KCNIP4: variants seen among roughly 807,000 people sequenced by gnomAD.
The protein encoded by KCNIP4 is potassium voltage-gated channel interacting protein 4.
In KCNIP4, 12 loss-of-function variants were observed where a neutral mutation model predicts 34.0. The observed-to-expected ratio is 0.35, with a 90% CI of 0.23 to 0.57. KCNIP4 has a LOEUF of 0.57. Ranked by LOEUF, KCNIP4 falls within the 20% of genes least tolerant of loss-of-function variation. KCNIP4 has a pLI of 0.83. For missense variants in KCNIP4, 238 were observed against 311.7 expected (o/e 0.76, Z 1.78); for synonymous variants, 124 against 102.2 (o/e 1.21, Z -1.29).
rs556744177 is a variant in KCNIP4 at position 21,546,493 on chromosome 4, C to T, written c.61+402078G>A. ...GAAACAGAAACTAACTTGCCATGAA[C>T]CGAAAGATTGTATATTCTTTTTCCT... On this transcript the variant is annotated intron_variant, in intron 1 of 8. Coordinates refer to ENST00000382152, the MANE Select transcript of KCNIP4 (RefSeq NM_025221.6). 9.5e-4 allele frequency among the ~76,000 whole-genome samples: 145 copies of T among 152,148 alleles called. 2 individuals carry two copies. The highest frequency in any genetic ancestry group is 3.3e-3 in the African/African-American group (138 of 41,516).
At chr4:21,022,810 GT>G (rs1050562026) in intron 1 of KCNIP4, among the ~76,000 whole-genome samples, 1 of 151,994 alleles carries the variant, frequency 6.6e-6, no homozygotes, top group Non-Finnish European at 1.5e-5. Context: ...TATCCTATAA[GT>G]TTTTTTGTTT....
rs139506848 is a variant in KCNIP4, at chr4:21,078,375, G to A, written c.62-195666C>T. Among the ~76,000 whole-genome samples the A allele has an allele frequency of 5.3e-3, 803 of 152,190 alleles. 7 individuals are homozygous for A. Among genetic ancestry groups the A allele is most frequent in the African/African-American group, 0.019 (769 of 41,536 alleles). ...TTCTCAGAATTCTAGAGGCTCCAAA[G>A]TCTGAGATCATAAATGTCAGCATGG... On this transcript the variant is annotated intron_variant, in intron 1 of 8. Coordinates refer to ENST00000382152, the MANE Select transcript of KCNIP4 (RefSeq NM_025221.6).
At chr4:21,199,745 T>TGTTTATTGCAGCATGCACACATAC (rs1756331256) in intron 1 of KCNIP4, among the ~76,000 whole-genome samples, 1 of 152,204 alleles carries the variant, frequency 6.6e-6, no homozygotes, top group Non-Finnish European at 1.5e-5. Context: ...TGCACACATA[T>TGTTTATTGCAGCATGCACACATAC]GTTTATTGCA....
intron 3 of KCNIP4, among the ~76,000 whole-genome samples, chr4:20,837,553 C>T (rs542742921): frequency 6.6e-6 from 1 of 150,856 alleles, no homozygotes; most frequent in Non-Finnish European, 1.5e-5. Flanking sequence ...CACAAAACAG[C>T]CAAAATTGCA....
At chr4:21,249,147 C>A (rs1460735929) in intron 1 of KCNIP4, among the ~76,000 whole-genome samples, 2 of 152,114 alleles carry the variant, frequency 1.3e-5, no homozygotes, top group African/African-American at 2.4e-5. Context: ...AAGAAGGGGG[C>A]TAATATTTTC....
intron 1 of KCNIP4, among the ~76,000 whole-genome samples, chr4:21,800,126 G>C (rs574468550): frequency 6.6e-6 from 1 of 152,220 alleles, no homozygotes; most frequent in East Asian, 1.9e-4. Context: ...GGAGAAATGA[G>C]TTCTTTCCCC....
At chr4:20,936,635 C>G (rs1338450311) in intron 1 of KCNIP4, among the ~76,000 whole-genome samples, 1 of 152,118 alleles carries the variant, frequency 6.6e-6, no homozygotes, top group Non-Finnish European at 1.5e-5. Flanking sequence ...GTACAATACT[C>G]TCCATATCCT....
chr4:20,802,979 G>A (rs1714536529), intron 3 of KCNIP4, among the ~76,000 whole-genome samples: 1 of 151,216 alleles, frequency 6.6e-6, no homozygotes, highest in Non-Finnish European at 1.5e-5. Context: ...GGAGGCTGAG[G>A]CAGGAGAATG....
At chr4:21,875,559 T>C (rs1283586870) in intron 1 of KCNIP4, among the ~76,000 whole-genome samples, 1 of 152,194 alleles carries the variant, frequency 6.6e-6, no homozygotes, top group Admixed American at 6.5e-5. Context: ...TGGCACAATG[T>C]CTAGTATGCT....
chr4:21,761,364 G>A (rs1255508985), intron 1 of KCNIP4, among the ~76,000 whole-genome samples: 1 of 152,028 alleles, frequency 6.6e-6, no homozygotes, highest in Non-Finnish European at 1.5e-5. Context: ...AGGCCTGTTT[G>A]ATGAAGAAAT....
chr4:21,381,069 T>C (rs1721465116), intron 1 of KCNIP4, among the ~76,000 whole-genome samples: 1 of 152,200 alleles, frequency 6.6e-6, no homozygotes, highest in East Asian at 1.9e-4. Flanking sequence ...AGCAGTGTCA[T>C]TGTCCAAAGA....
At chr4:21,387,864 A>G (rs1722172250) in intron 1 of KCNIP4, among the ~76,000 whole-genome samples, 1 of 152,210 alleles carries the variant, frequency 6.6e-6, no homozygotes, top group Non-Finnish European at 1.5e-5. Context: ...TTGTCAAAGT[A>G]CTTACTATGA....
chr4:21,673,770 C>G (rs920401255), intron 1 of KCNIP4, among the ~76,000 whole-genome samples: 1 of 152,120 alleles, frequency 6.6e-6, no homozygotes, highest in Non-Finnish European at 1.5e-5. Flanking sequence ...TCCAAGTAAA[C>G]AGCCAACTTT....
Position 21,802,289 on chromosome 4 carries a change from T to G in KCNIP4, c.61+146282A>C, listed in dbSNP as rs556330792. On this transcript the variant is annotated intron_variant, in intron 1 of 8. Coordinates refer to ENST00000382152, the MANE Select transcript of KCNIP4 (RefSeq NM_025221.6). ...AGGATATTTAGTATTTGATAGACCT[T>G]ACATGTCTTATCTCATTTACTAATC... is the stretch of plus-strand genomic sequence containing the variant. Among the ~76,000 whole-genome samples the G allele has an allele frequency of 9.2e-5, 14 of 152,288 alleles. No individual in the cohort carries two copies. In the South Asian group the frequency reaches 1.7e-3, roughly 18 times the overall value.
intron 1 of KCNIP4, among the ~76,000 whole-genome samples, chr4:21,167,723 GA>G (rs1330716970): frequency 6.6e-6 from 1 of 152,102 alleles, no homozygotes; most frequent in Non-Finnish European, 1.5e-5. Flanking sequence ...TCTTGCCTAA[GA>G]AAATTATACC....
chr4:21,712,011 C>A (rs1224797361), intron 1 of KCNIP4, among the ~76,000 whole-genome samples: 1 of 152,102 alleles, frequency 6.6e-6, no homozygotes, highest in African/African-American at 2.4e-5. Context: ...GACCCCAAAC[C>A]TGTGCTCTAA....
intron 1 of KCNIP4, among the ~76,000 whole-genome samples, chr4:21,678,305 A>ATTTTTTTTTTTTTTTT (rs59561334): frequency 4.1e-4 from 48 of 117,568 alleles, no homozygotes; most frequent in African/African-American, 6.1e-4. Flanking sequence ...TCTTCTTTTG[A>ATTTTTTTTTTTTTTTT]TTTTTTTTTT....
intron 1 of KCNIP4, among the ~76,000 whole-genome samples, chr4:21,436,307 T>C (rs1371362501): frequency 1.3e-5 from 2 of 152,220 alleles, no homozygotes; most frequent in Non-Finnish European, 2.9e-5. Context: ...AGAAGGACTC[T>C]GAATGAAGGC....
At chr4:21,141,824 T>C (rs1333571294) in intron 1 of KCNIP4, among the ~76,000 whole-genome samples, 1 of 151,874 alleles carries the variant, frequency 6.6e-6, no homozygotes, top group Non-Finnish European at 1.5e-5. Flanking sequence ...ACATGTGAGT[T>C]TGTATATAGT....
Sources: allele counts gnomAD v4.1 joint callset (sites outside exome capture counted in the v4.1 genomes callset), GRCh38; gene constraint gnomAD v4.1.1; transcripts MANE v1.5; gene names NCBI Gene and HGNC (gene_info 2026-07-23, HGNC 2026-07-21).